HNRNPA1L2: variants seen among roughly 807,000 people sequenced by gnomAD.
HNRNPA1L2 encodes the protein heterogeneous nuclear ribonucleoprotein A1-like 2.
Under a neutral mutation model 18.2 loss-of-function variants are expected in HNRNPA1L2, and 10 were observed. The ratio of observed to expected loss-of-function variants is 0.55; its 90% CI spans 0.34 to 0.93. The LOEUF (loss-of-function observed/expected upper bound fraction) is 0.93, where lower values mean the gene tolerates loss of function less well. Among genes scored for constraint, HNRNPA1L2 ranks in the 40% least tolerant of loss-of-function variants. The pLI, the probability that HNRNPA1L2 is intolerant of heterozygous loss-of-function variation, is 0.02. For missense variants in HNRNPA1L2, 308 were observed against 394.4 expected, an observed-to-expected ratio of 0.78 and a Z score of 1.85; for synonymous variants, 124 against 138.6, an observed-to-expected ratio of 0.89 and a Z score of 0.74.
the HNRNPA1L2 span, among the ~76,000 whole-genome samples, chr13:52,634,913 T>G: frequency 6.6e-6 from 1 of 152,240 alleles, no homozygotes; most frequent in East Asian, 1.9e-4. Context: ...TGAGGCACAG[T>G]GCCTGGAACA....
At chr13:52,618,384 T>TA in the HNRNPA1L2 span, among the ~76,000 whole-genome samples, 323 of 152,352 alleles carry the variant, frequency 2.1e-3, 2 homozygotes, top group African/African-American at 7.5e-3. Context: ...ACTTTATTGT[T>TA]ATGAAAGCCT....
chr13:52,643,274 A>G lies in HNRNPA1L2; in HGVS notation c.782A>G (p.Asn261Ser), dbSNP rs342775. 4.1e-3 allele frequency: 6,466 copies of G among 1,593,336 alleles called. 49 individuals carry two copies. The highest frequency in any genetic ancestry group is 0.017 in the South Asian group (1,565 of 90,908). ...GSNFGGGGSY[N>S]DFGNYNNQSS... ...AATTTTGGAGGTGGTGGAAGCTACA[A>G]TGATTTTGGCAATTACAACAATCAG... Residue 261 changes from asparagine to serine, a missense_variant, in exon 1 of 1, where the codon AAT becomes AGT. By Grantham distance (46) the Asn-to-Ser change is conservative. Coordinates refer to ENST00000357495, the MANE Select transcript of HNRNPA1L2 (RefSeq NM_001389320.1).
At position 52,643,168 on chromosome 13, in the gene HNRNPA1L2, G is replaced by A. The variant is rs1227655323; in HGVS notation, c.676G>A (p.Gly226Ser). 6.3e-7 allele frequency: 1 copy of A among 1,597,882 alleles called. No homozygotes were observed. Among genetic ancestry groups the A allele is most frequent in the African/African-American group, 1.3e-5 (1 of 74,874 alleles). The stretch of plus-strand genomic sequence containing the variant: ...TCGTGGAGGAAACTTCAGTGGTCGT[G>A]GTGGCTTTGGTGGCAGCTGTGGTGG... Reference protein sequence around the residue: ...FGRGGNFSGRGGFGGSCGGGG... With the variant: ...FGRGGNFSGRSGFGGSCGGGG... Residue 226 changes from glycine (G) to serine (S), a missense_variant, in exon 1 of 1, where the codon GGT becomes AGT. By Grantham distance (56) the Gly-to-Ser change is moderately conservative. Transcript: ENST00000357495.
In HNRNPA1L2 at chr13:52,642,628, A is replaced by C. The variant is rs747160363; in HGVS notation, c.136A>C (p.Met46Leu). ...GGGAACGCTCACAGACTGTGTGGTA[A>C]TGAGAGATCCAAACACCAAGCGCTC... ...QWGTLTDCVVMRDPNTKRSRG... is the reference protein window; with the variant it reads ...QWGTLTDCVVLRDPNTKRSRG... The change falls in exon 1 of 1, where the codon ATG (methionine) becomes CTG (leucine). Residue 46 changes from methionine to leucine, a missense_variant. Coordinates refer to ENST00000357495, the MANE Select transcript of HNRNPA1L2 (RefSeq NM_001389320.1). 1.2e-5 allele frequency: 20 copies of C among 1,611,750 alleles called. No individual in the cohort carries two copies. In the Admixed American group the frequency reaches 3.3e-4, roughly 27 times the overall value.
the HNRNPA1L2 span, among the ~76,000 whole-genome samples, chr13:52,631,026 G>T: frequency 6.6e-6 from 1 of 152,018 alleles, no homozygotes; most frequent in African/African-American, 2.4e-5. Context: ...AGTAGGAAAG[G>T]GGTTCCTGTG....
Position 52,643,397 on chromosome 13 carries a change from A to G in HNRNPA1L2, c.905A>G (p.Gln302Arg). ...CAATACTTTGCAAAACCACAAAACC[A>G]AGGTGGCTATGGCGTTTCCAGCAGC... ...GGQYFAKPQNQGGYGVSSSSS... is the reference protein window; with the variant it reads ...GGQYFAKPQNRGGYGVSSSSS... The change falls in exon 1 of 1, where the codon CAA becomes CGA. Residue 302 changes from glutamine to arginine, a missense_variant. Coordinates refer to ENST00000357495, the MANE Select transcript of HNRNPA1L2 (RefSeq NM_001389320.1). The G allele has an allele frequency of 6.3e-7, 1 of 1,598,738 alleles. No homozygotes were observed. The highest frequency in any genetic ancestry group is 8.5e-7 in the Non-Finnish European group (1 of 1,179,796).
At chr13:52,624,742 T>G in the HNRNPA1L2 span, among the ~76,000 whole-genome samples, 9,351 of 152,228 alleles carry the variant, frequency 0.061, 331 homozygotes, top group African/African-American at 0.095. Flanking sequence ...AAAAGTATTC[T>G]CGAGGGGCCT....
chr13:52,625,895 A>G, the HNRNPA1L2 span, among the ~76,000 whole-genome samples: 23 of 151,628 alleles, frequency 1.5e-4, no homozygotes, highest in African/African-American at 5.6e-4. Context: ...CTTCCACTCA[A>G]CCTCTCAAGT....
At chr13:52,622,964 C>A in the HNRNPA1L2 span, among the ~76,000 whole-genome samples, 167 of 152,034 alleles carry the variant, frequency 1.1e-3, no homozygotes, top group African/African-American at 3.8e-3. Flanking sequence ...CTTATCAGAA[C>A]AAACAGATAA....
the HNRNPA1L2 span, among the ~76,000 whole-genome samples, chr13:52,626,601 C>G: frequency 1.3e-5 from 2 of 152,216 alleles, no homozygotes; most frequent in South Asian, 4.2e-4. Context: ...CCCCTTTATA[C>G]TGTCACCCAG....
At chr13:52,639,698 A>C (rs2138078421), upstream of HNRNPA1L2, among the ~76,000 whole-genome samples, 1 of 149,956 alleles carries the variant, frequency 6.7e-6, no homozygotes, top group East Asian at 1.9e-4. Context: ...CTGTCTCAAA[A>C]AAAAAAAAAA....
At chr13:52,634,990 G>C in the HNRNPA1L2 span, among the ~76,000 whole-genome samples, 1 of 152,194 alleles carries the variant, frequency 6.6e-6, no homozygotes, top group Non-Finnish European at 1.5e-5. Context: ...TAATGATGAT[G>C]GAAAAGACAT....
the HNRNPA1L2 span, among the ~76,000 whole-genome samples, chr13:52,631,615 A>G: frequency 6.6e-6 from 1 of 152,186 alleles, no homozygotes; most frequent in African/African-American, 2.4e-5. Context: ...CACATTACTT[A>G]ATGTTCATAT....
upstream of HNRNPA1L2, chr13:52,640,638 A>G (rs1961627967): frequency 6.6e-6 from 1 of 152,224 alleles, no homozygotes; most frequent in Admixed American, 6.5e-5. Context: ...AACTCTTAGT[A>G]CAAAGTTGAC....
chr13:52,621,015 GTAGA>G, the HNRNPA1L2 span, among the ~76,000 whole-genome samples: 1 of 152,188 alleles, frequency 6.6e-6, no homozygotes, highest in African/African-American at 2.4e-5. Flanking sequence ...CCAGCACAGA[GTAGA>G]TATTCACTAT....
chr13:52,623,571 C>T, the HNRNPA1L2 span, among the ~76,000 whole-genome samples: 47 of 152,100 alleles, frequency 3.1e-4, no homozygotes, highest in African/African-American at 9.9e-4. Context: ...CAAGGTGCAT[C>T]TGTTTTGAGT....
the HNRNPA1L2 span, among the ~76,000 whole-genome samples, chr13:52,631,666 T>A: frequency 6.6e-6 from 1 of 152,322 alleles, no homozygotes; most frequent in South Asian, 2.1e-4. Flanking sequence ...TAGAGAAAAG[T>A]AGTTTAGTCC....
upstream of HNRNPA1L2, among the ~76,000 whole-genome samples, chr13:52,638,282 G>A (rs1445410682): frequency 6.6e-6 from 1 of 152,158 alleles, no homozygotes; most frequent in Non-Finnish European, 1.5e-5. Context: ...AATGACAGGT[G>A]CATTTGCCCT....
At chr13:52,633,884 T>C in the HNRNPA1L2 span, among the ~76,000 whole-genome samples, 2 of 152,184 alleles carry the variant, frequency 1.3e-5, no homozygotes, top group African/African-American at 2.4e-5. Context: ...ATTTAATCTT[T>C]CTACCAGTTA....
Sources: gnomAD v4.1 joint callset for allele counts (sites outside exome capture counted in the v4.1 genomes callset) on GRCh38, gnomAD v4.1.1 for gene constraint, MANE v1.5 for transcripts, NCBI Gene and HGNC (gene_info 2026-07-23, HGNC 2026-07-21) for gene names.